The following SEMA5B variants were observed in gnomAD, a reference collection of about 807,000 sequenced individuals.
SEMA5B encodes the protein semaphorin 5B.
A neutral mutation model predicts 135.0 loss-of-function variants in SEMA5B; 66 were observed. The observed-to-expected ratio is 0.49, with a 90% CI of 0.40 to 0.60. SEMA5B has a LOEUF of 0.60. SEMA5B is among the 20% of genes least tolerant of loss of function. SEMA5B has a pLI of 0.00. For synonymous variants in SEMA5B, 690 were observed against 639.5 expected (o/e 1.08, Z -1.19); for missense variants, 1,501 against 1,566.3 (o/e 0.96, Z 0.70).
chr3:122,992,412 A>T (rs1486710636), intron 1 of SEMA5B, among the ~76,000 whole-genome samples: 1 of 152,198 alleles, frequency 6.6e-6, no homozygotes, highest in Non-Finnish European at 1.5e-5. Flanking sequence ...TTCACCTAGC[A>T]GGGGTTATGC....
chr3:122,915,930 C>A (rs1179107000), intron 12 of SEMA5B, 40 bp from the exon 13 acceptor site: 1 of 1,481,106 alleles, frequency 6.8e-7, no homozygotes, highest in African/African-American at 1.4e-5. Flanking sequence ...CCACTGGCTT[C>A]CCAGCCTCAC....
rs532231019 is a variant in SEMA5B, at chr3:123,007,532, T to C, written c.-39+19932A>G. On this transcript the variant is annotated intron_variant, in intron 1 of 22. Coordinates refer to ENST00000357599, the MANE Select transcript of SEMA5B (RefSeq NM_001031702.4). ...TAGAGGTGGAGCCTTTGAGAGGTGA[T>C]TGGATCATGAGAGCTCTGTCCTTAT... is the stretch of plus-strand genomic sequence containing the variant. 3.3e-5 allele frequency among the ~76,000 whole-genome samples: 5 copies of C among 152,288 alleles called. No homozygotes were observed. The South Asian group carries it at 1.0e-3, about 32-fold the overall frequency.
At chr3:122,950,873 G>T (rs1576360118) in intron 2 of SEMA5B, among the ~76,000 whole-genome samples, 1 of 152,324 alleles carries the variant, frequency 6.6e-6, no homozygotes, top group East Asian at 1.9e-4. Context: ...ATAACCTAGG[G>T]TGTATCTTCA....
chr3:122,978,767 T>C (rs773755473), intron 1 of SEMA5B, among the ~76,000 whole-genome samples: 7 of 151,994 alleles, frequency 4.6e-5, no homozygotes, highest in Non-Finnish European at 8.8e-5. Flanking sequence ...GGGGAGTAAA[T>C]AGGTGCTCAA....
chr3:122,947,335 ACCT>A (rs1247939007), intron 3 of SEMA5B, among the ~76,000 whole-genome samples: 48 of 152,034 alleles, frequency 3.2e-4, no homozygotes, highest in Non-Finnish European at 6.2e-4. Flanking sequence ...ACAGCTGGAA[ACCT>A]TCCTCCCTGA....
chr3:122,989,011 G>A (rs1450216162), intron 1 of SEMA5B, among the ~76,000 whole-genome samples: 1 of 152,236 alleles, frequency 6.6e-6, no homozygotes, highest in African/African-American at 2.4e-5. Flanking sequence ...AGGGCCAGTG[G>A]GGCTTCTGTT....
intron 2 of SEMA5B, among the ~76,000 whole-genome samples, chr3:122,951,952 C>G (rs749936443): frequency 6.6e-6 from 1 of 152,176 alleles, no homozygotes; most frequent in African/African-American, 2.4e-5. Flanking sequence ...GGAATAATAC[C>G]CATCACTGAA....
intron 2 of SEMA5B, among the ~76,000 whole-genome samples, chr3:122,950,427 G>C (rs1939994629): frequency 1.3e-5 from 2 of 151,406 alleles, no homozygotes; most frequent in Non-Finnish European, 2.9e-5. Context: ...CTAATTCTTT[G>C]AGTCTACACT....
At chr3:122,917,535 G>A (rs190343082) in intron 12 of SEMA5B, among the ~76,000 whole-genome samples, 75 of 152,218 alleles carry the variant, frequency 4.9e-4, no homozygotes, top group African/African-American at 1.6e-3. Context: ...AACTTGCAGT[G>A]GGTTCAATAG....
At position 122,969,982 on chromosome 3, in the gene SEMA5B, CTG is replaced by C. The variant is rs546292446; in HGVS notation, c.-38-8683_-38-8682del. Among the ~76,000 whole-genome samples the C allele has an allele frequency of 4.7e-3, 717 of 152,284 alleles. 3 individuals are homozygous for C. Among genetic ancestry groups the C allele is most frequent in the African/African-American group, 0.017 (686 of 41,552 alleles). The stretch of plus-strand genomic sequence containing the variant: ...TTCAGGAATTAGAAAGCTGTCCACC[CTG>C]TTCCTATTTCCTGCAGAGTTGGGTG... On this transcript the variant is annotated intron_variant, in intron 1 of 22. Coordinates refer to ENST00000357599, the MANE Select transcript of SEMA5B (RefSeq NM_001031702.4).
intron 1 of SEMA5B, among the ~76,000 whole-genome samples, chr3:122,978,686 C>G (rs1941419303): frequency 6.6e-6 from 1 of 152,096 alleles, no homozygotes; most frequent in Non-Finnish European, 1.5e-5. Context: ...TGGGCAGCCT[C>G]CAGGGGTGGA....
In SEMA5B at chr3:123,025,645, G is replaced by A. The variant is rs141895869; in HGVS notation, c.-39+1819C>T. On this transcript the variant is annotated intron_variant, in intron 1 of 22. Coordinates refer to ENST00000357599, the MANE Select transcript of SEMA5B (RefSeq NM_001031702.4). ...AACTGGTGGTGATAGGTGTTGATAT[G>A]GAGAAAAGAGCTCCCCCTGAAACCC... 4.6e-5 allele frequency among the ~76,000 whole-genome samples: 7 copies of A among 152,210 alleles called. No homozygotes were observed. The East Asian group carries it at 1.4e-3, about 29-fold the overall frequency.
intron 1 of SEMA5B, among the ~76,000 whole-genome samples, chr3:122,972,950 G>A (rs1219799817): frequency 3.3e-5 from 5 of 152,186 alleles, no homozygotes; most frequent in Non-Finnish European, 5.9e-5. Context: ...AAGTCAAGCC[G>A]TGATGGCTCA....
Position 122,910,759 on chromosome 3 carries a change from G to A in SEMA5B, c.3297+81C>T, listed in dbSNP as rs112930406. 3.3e-3 allele frequency: 3,854 copies of A among 1,163,278 alleles called. 101 individuals carry two copies. The African/African-American group carries it at 0.055, about 17-fold the overall frequency. The allele number at this position is 1,163,278 out of a possible 1,614,324, so 72.1% of individuals were successfully genotyped here. A position where few individuals can be genotyped will look rare whatever the true frequency, so the allele number is the denominator to read the frequency against. On this transcript the variant is annotated intron_variant, in intron 22 of 22. Coordinates refer to ENST00000357599, the MANE Select transcript of SEMA5B (RefSeq NM_001031702.4). ...CGGGAGGCAGAGCTTGCAATGAGCCGAGATCCCACCACTGCACTCCAGCCT... is the reference window on the plus strand; with the variant it reads ...CGGGAGGCAGAGCTTGCAATGAGCCAAGATCCCACCACTGCACTCCAGCCT...
chr3:122,980,758 T>C (rs1393322179), intron 1 of SEMA5B, among the ~76,000 whole-genome samples: 2 of 152,198 alleles, frequency 1.3e-5, no homozygotes, highest in African/African-American at 2.4e-5. Context: ...CCACCATTCA[T>C]CTCTAGCACC....
intron 1 of SEMA5B, among the ~76,000 whole-genome samples, chr3:123,022,668 C>T (rs1349870516): frequency 1.3e-5 from 2 of 152,216 alleles, no homozygotes; most frequent in African/African-American, 2.4e-5. Context: ...AGAAAACCAT[C>T]TTCATTTTTT....
In SEMA5B at chr3:122,931,953, C is replaced by T. The variant is rs533357935; in HGVS notation, c.475-2895G>A. On this transcript the variant is annotated intron_variant, in intron 5 of 22. Coordinates refer to ENST00000357599, the MANE Select transcript of SEMA5B (RefSeq NM_001031702.4). ...CCAGAAAAAATGACTAAGTTCATAC[C>T]TGCACAGGCATGACAACATCAAGAC... Among the ~76,000 whole-genome samples the T allele has an allele frequency of 8.6e-4, 131 of 152,332 alleles. 1 individual carries two copies. The highest frequency in any genetic ancestry group is 4.6e-4 in the Non-Finnish European group (31 of 68,016).
rs1938375979 is a variant in SEMA5B, at chr3:122,922,030, G to A, written c.1573C>T (p.Arg525Cys). 4.0e-6 allele frequency: 6 copies of A among 1,498,552 alleles called. No homozygotes were observed. Among genetic ancestry groups the A allele is most frequent in the South Asian group, 1.3e-5 (1 of 75,678 alleles). The allele number at this position is 1,498,552 out of a possible 1,614,324, so 92.8% of individuals were successfully genotyped here. A position where few individuals can be genotyped will look rare whatever the true frequency, so the allele number is the denominator to read the frequency against. Residue 525 changes from arginine (R) to cysteine (C), a missense_variant, in exon 12 of 23, where the codon CGC (arginine) becomes TGC (cysteine). By Grantham distance (180) the Arg-to-Cys change is radical. Around this residue, in one of 2 missense-constraint regions of SEMA5B, gnomAD observed 927 missense variants for 881.6 expected, o/e 1.05. Transcript: ENST00000357599. The stretch of plus-strand genomic sequence containing the variant: ...ATGCGCAGGCTGCGCAGGGGCTCGC[G>A]GCGCCCGGGGGGCAGCACGTGCAGC... ...EELHVLPPGR[R>C]EPLRSLRILH...
chr3:122,939,335 T>C (rs1459071164), intron 5 of SEMA5B, 90 bp downstream of exon 5: 6 of 1,031,424 alleles, frequency 5.8e-6, no homozygotes, highest in Non-Finnish European at 7.7e-6. Flanking sequence ...CTTTAGGGGC[T>C]GAATTCTGAA....
Sources: allele counts gnomAD v4.1 joint callset (sites outside exome capture counted in the v4.1 genomes callset), GRCh38; gene constraint gnomAD v4.1.1; regional missense constraint gnomAD v4.1.1; transcripts MANE v1.5; gene names NCBI Gene and HGNC (gene_info 2026-07-23, HGNC 2026-07-21).